Variants in COX16 observed in about 807,000 individuals in gnomAD.
COX16 encodes the protein cytochrome c oxidase assembly factor COX16.
COX16 carries 12 observed loss-of-function variants against 15.4 expected under a neutral mutation model. The observed-to-expected ratio is 0.78, with a 90% CI of 0.50 to 1.26. The LOEUF is 1.26. COX16 is among the 50% of genes most tolerant of loss of function. The pLI, the probability that COX16 is intolerant of heterozygous loss-of-function variation, is 0.00. For synonymous variants in COX16, 46 were observed against 41.1 expected, an observed-to-expected ratio of 1.12 and a Z score of -0.46; for missense variants, 124 against 127.6, an observed-to-expected ratio of 0.97 and a Z score of 0.14.
chr14:70,350,498 G>C (rs1886922514), intron 1 of COX16, among the ~76,000 whole-genome samples: 1 of 151,948 alleles, frequency 6.6e-6, no homozygotes, highest in African/African-American at 2.4e-5. Flanking sequence ...TAGTCAGCTG[G>C]GTCACCTCTC....
At chr14:70,326,539 T>TAGAA in intron 3 of COX16, 90 bp from the exon 4 acceptor site, 1 of 968,934 alleles carries the variant, frequency 1.0e-6, no homozygotes, top group African/African-American at 1.7e-5. Context: ...AATAAATGAG[T>TAGAA]AGAAAGTATC....
chr14:70,344,798 G>A (rs115385758), intron 1 of COX16, among the ~76,000 whole-genome samples: 3,477 of 152,238 alleles, frequency 0.023, 122 homozygotes, highest in African/African-American at 0.078. Flanking sequence ...CGGAAAATAC[G>A]TACCCCTGAA....
chr14:70,352,375 C>G (rs1199677889), intron 1 of COX16, among the ~76,000 whole-genome samples: 1 of 151,828 alleles, frequency 6.6e-6, no homozygotes, highest in Non-Finnish European at 1.5e-5. Context: ...TCACTAGATA[C>G]GGGGTTTCAC....
chr14:70,340,770 C>T (rs913840202), intron 2 of COX16, among the ~76,000 whole-genome samples: 1 of 152,158 alleles, frequency 6.6e-6, no homozygotes, highest in Admixed American at 6.5e-5. Flanking sequence ...ATCCCTCTAC[C>T]TTATAGAATA....
At chr14:70,356,373 G>T (rs1056947934) in intron 1 of COX16, among the ~76,000 whole-genome samples, 1 of 152,116 alleles carries the variant, frequency 6.6e-6, no homozygotes, top group African/African-American at 2.4e-5. Context: ...CTGACAGGAG[G>T]TGGAGCTCAG....
chr14:70,346,909 T>C (rs150746687), intron 1 of COX16, among the ~76,000 whole-genome samples: 2,552 of 152,048 alleles, frequency 0.017, 71 homozygotes, highest in African/African-American at 0.057. Flanking sequence ...CACTTGCACA[T>C]TCCCCATAGT....
chr14:70,332,685 C>T (rs1266493447), intron 2 of COX16, among the ~76,000 whole-genome samples: 1 of 152,190 alleles, frequency 6.6e-6, no homozygotes, highest in Non-Finnish European at 1.5e-5. Flanking sequence ...AACTACCCCA[C>T]TGATGCAGTG....
intron 2 of COX16, among the ~76,000 whole-genome samples, chr14:70,341,273 T>C (rs1306506955): frequency 6.6e-6 from 1 of 152,212 alleles, no homozygotes; most frequent in Admixed American, 6.5e-5. Context: ...TCATAGAAAG[T>C]ACACATTTTT....
At chr14:70,327,307 T>G (rs1033558821) in intron 3 of COX16, among the ~76,000 whole-genome samples, 8 of 151,882 alleles carry the variant, frequency 5.3e-5, no homozygotes, top group Non-Finnish European at 8.8e-5. Flanking sequence ...GGGCATTAAC[T>G]CTCTCATAAG....
chr14:70,344,869 G>A (rs1246191228), intron 1 of COX16, among the ~76,000 whole-genome samples: 2 of 152,176 alleles, frequency 1.3e-5, no homozygotes, highest in Non-Finnish European at 2.9e-5. Flanking sequence ...GACACTTCCT[G>A]TTTACAGGAG....
intron 2 of COX16, among the ~76,000 whole-genome samples, chr14:70,334,861 T>C (rs1046259734): frequency 6.6e-6 from 1 of 152,144 alleles, no homozygotes; most frequent in Non-Finnish European, 1.5e-5. Context: ...CTATCAATAA[T>C]AACAGTGAAT....
At chr14:70,344,026 C>T (rs955997657) in intron 1 of COX16, among the ~76,000 whole-genome samples, 3 of 152,090 alleles carry the variant, frequency 2.0e-5, no homozygotes, top group Admixed American at 6.5e-5. Context: ...TCATAGGGGG[C>T]AAAGTGAGCT....
chr14:70,358,063 A>G (rs1887184984), intron 1 of COX16, among the ~76,000 whole-genome samples: 3 of 152,228 alleles, frequency 2.0e-5, no homozygotes, highest in Non-Finnish European at 4.4e-5. Flanking sequence ...AAGTATTGAT[A>G]TATGTTACAA....
intron 1 of COX16, among the ~76,000 whole-genome samples, chr14:70,353,601 C>A (rs1468520006): frequency 3.3e-5 from 5 of 151,868 alleles, no homozygotes; most frequent in Non-Finnish European, 7.4e-5. Context: ...GCAACCTCCA[C>A]CTCCCAGGCT....
chr14:70,345,854 C>T (rs1372569109), intron 1 of COX16, among the ~76,000 whole-genome samples: 1 of 152,024 alleles, frequency 6.6e-6, no homozygotes, highest in African/African-American at 2.4e-5. Flanking sequence ...GCTATCCACC[C>T]CTCCCAACCC....
At chr14:70,334,620 T>C (rs2140696660) in intron 2 of COX16, among the ~76,000 whole-genome samples, 1 of 152,322 alleles carries the variant, frequency 6.6e-6, no homozygotes. Flanking sequence ...TAATCAAAGT[T>C]AAGTTGGTAT....
intron 1 of COX16, among the ~76,000 whole-genome samples, chr14:70,355,093 C>A (rs193081369): frequency 9.9e-5 from 15 of 152,248 alleles, no homozygotes; most frequent in African/African-American, 3.6e-4. Context: ...ACTTTCCCAC[C>A]AGATACCAAC....
In COX16 at chr14:70,326,467, A is replaced by G; in HGVS notation, c.205-18T>C. 6.4e-7 allele frequency: 1 copy of G among 1,556,580 alleles called. No homozygotes were observed. Among genetic ancestry groups the G allele is most frequent in the Non-Finnish European group, 8.7e-7 (1 of 1,156,012 alleles). On this transcript the variant is annotated intron_variant, in intron 3 of 3. Coordinates refer to ENST00000389912, the MANE Select transcript of COX16 (RefSeq NM_016468.7). ...TTGATTTTCTATAGAACCACAAAAA[A>G]TTAAAGTATAAATATTAGTATAAGA...
intron 1 of COX16, among the ~76,000 whole-genome samples, chr14:70,345,715 C>T (rs1378287977): frequency 5.3e-5 from 8 of 152,116 alleles, no homozygotes; most frequent in Admixed American, 4.6e-4. Context: ...GGCCTTTTTG[C>T]ACTCAGTTCA....
Sources: gnomAD v4.1 joint callset for allele counts (sites outside exome capture counted in the v4.1 genomes callset) on GRCh38, gnomAD v4.1.1 for gene constraint, MANE v1.5 for transcripts, NCBI Gene and HGNC (gene_info 2026-07-23, HGNC 2026-07-21) for gene names.